The following RNF34 variants were observed in gnomAD, a reference collection of about 807,000 sequenced individuals.
The protein encoded by RNF34 is E3 ubiquitin-protein ligase RNF34.
In RNF34, 12 loss-of-function variants were observed where a neutral mutation model predicts 37.9. The ratio of observed to expected loss-of-function variants is 0.32; its 90% confidence interval spans 0.20 to 0.51. The LOEUF (loss-of-function observed/expected upper bound fraction) is 0.51, where lower values mean the gene tolerates loss of function less well. Among genes scored for constraint, RNF34 ranks in the 20% least tolerant of loss-of-function variants. The pLI is 0.97. For synonymous variants in RNF34, 155 were observed against 177.2 expected (o/e 0.87, Z 1.00); for missense variants, 362 against 472.7 (o/e 0.77, Z 2.17).
intron 3 of RNF34, among the ~76,000 whole-genome samples, chr12:121,419,264 C>T (rs980692793): frequency 3.4e-4 from 51 of 152,178 alleles, no homozygotes; most frequent in African/African-American, 1.2e-3. Flanking sequence ...GCTTCGTAGC[C>T]GGCCATGCCC....
chr12:121,401,395 G>A (rs1413818840), intron 1 of RNF34, among the ~76,000 whole-genome samples: 5 of 122,392 alleles, frequency 4.1e-5, no homozygotes, highest in Admixed American at 1.7e-4. Flanking sequence ...AAACACAGGA[G>A]CCAGAAAGGA....
Position 121,423,555 on chromosome 12 carries a change from C to T in RNF34, c.1098C>T (p.Ala366=), listed in dbSNP as rs782338601. Residue 366 remains alanine (A), a synonymous_variant, in exon 6 of 6, where the codon GCC becomes GCT. Transcript: ENST00000361234. The surrounding 1 kb of genome is among the most constrained non-coding windows in gnomAD (Gnocchi z 4.3). ...CPICRQYVVR[A]VHVFKS ...TCTGCCGGCAGTATGTGGTGCGAGC[C>T]GTGCACGTGTTCAAGTCCTGAAACA... is the stretch of plus-strand genomic sequence containing the variant. 9 of 1,613,606 alleles carry T rather than the reference C, an allele frequency of 5.6e-6. No homozygotes were observed. Among genetic ancestry groups the T allele is most frequent in the East Asian group, 4.5e-5 (2 of 44,898 alleles).
intron 5 of RNF34, among the ~76,000 whole-genome samples, chr12:121,421,165 A>G (rs1342363136): frequency 2.0e-5 from 3 of 152,036 alleles, no homozygotes; most frequent in Non-Finnish European, 4.4e-5. Flanking sequence ...AAAATTCCCT[A>G]TAGCCCAGAT....
At position 121,417,994 on chromosome 12, in the gene RNF34, C is replaced by G; in HGVS notation, c.633+83C>G. The G allele has an allele frequency of 7.2e-7, 1 of 1,392,830 alleles. No individual in the cohort carries two copies. Among genetic ancestry groups the G allele is most frequent in the South Asian group, 1.4e-5 (1 of 73,468 alleles). 86.3% of individuals were successfully genotyped at this position (1,392,830 alleles called of 1,614,324 possible). ...TGGTGGGGCCTTTAGTGCTTGATGA[C>G]TTCTGATAAACTTCAAGTCATGTGC... On this transcript the variant is annotated intron_variant, in intron 3 of 5. Coordinates refer to ENST00000361234, the MANE Select transcript of RNF34 (RefSeq NM_025126.4). The surrounding 1 kb of genome is among the most constrained non-coding windows in gnomAD (Gnocchi z 5.0).
chr12:121,407,454 A>G (rs1481135341), intron 1 of RNF34, among the ~76,000 whole-genome samples: 1 of 152,222 alleles, frequency 6.6e-6, no homozygotes, highest in Non-Finnish European at 1.5e-5. Context: ...CTAGTATACA[A>G]CAACTCAGTG....
chr12:121,403,239 AC>A (rs1870167466), intron 1 of RNF34, among the ~76,000 whole-genome samples: 1 of 152,098 alleles, frequency 6.6e-6, no homozygotes, highest in African/African-American at 2.4e-5. Flanking sequence ...TACTAAAAAT[AC>A]AAAAAATTAG....
At chr12:121,419,432 A>C (rs1871894785) in intron 3 of RNF34, among the ~76,000 whole-genome samples, 2 of 152,244 alleles carry the variant, frequency 1.3e-5, no homozygotes, top group Admixed American at 1.3e-4. Context: ...AGTCCAAGCC[A>C]GGAGTTTTAT....
rs1555283943 is a variant in RNF34, at chr12:121,424,214, C to T, written c.*638C>T. On this transcript the variant is annotated 3_prime_UTR_variant, in exon 6 of 6. Coordinates refer to ENST00000361234, the MANE Select transcript of RNF34 (RefSeq NM_025126.4). ...TTATAGCAAGGGCTGCATCTAGCTT[C>T]TTTTATTAGAAGTGTGTGTGCTAAA... 6.6e-6 allele frequency: 1 copy of T among 152,648 alleles called. No homozygotes were observed. The highest frequency in any genetic ancestry group is 2.4e-5 in the African/African-American group (1 of 41,448). The allele number at this position is 152,648 out of a possible 1,614,324, so 9.5% of individuals were successfully genotyped here.
chr12:121,416,105 A>G, intron 1 of RNF34, 54 bp from the exon 2 acceptor site: 1 of 1,460,832 alleles, frequency 6.8e-7, no homozygotes, highest in Admixed American at 1.7e-5. Context: ...TGAGGATCCC[A>G]GAGAGCCCAG....
In RNF34 at chr12:121,423,554, C is replaced by T; in HGVS notation, c.1097C>T (p.Ala366Val). Residue 366 changes from alanine to valine, a missense_variant, in exon 6 of 6, where the codon GCC (alanine) becomes GTC (valine). Coordinates refer to ENST00000361234, the MANE Select transcript of RNF34 (RefSeq NM_025126.4). This position sits in a 1 kb window ranked among gnomAD's most constrained non-coding sequence, Gnocchi z 4.3. ...ATCTGCCGGCAGTATGTGGTGCGAGCCGTGCACGTGTTCAAGTCCTGAAAC... is the reference window on the plus strand; with the variant it reads ...ATCTGCCGGCAGTATGTGGTGCGAGTCGTGCACGTGTTCAAGTCCTGAAAC... ...CPICRQYVVRAVHVFKS is the reference protein window; with the variant it reads ...CPICRQYVVRVVHVFKS The T allele has an allele frequency of 1.2e-6, 2 of 1,613,778 alleles. No individual in the cohort carries two copies. The highest frequency in any genetic ancestry group is 1.7e-6 in the Non-Finnish European group (2 of 1,179,806).
chr12:121,407,566 G>C (rs59697780), intron 1 of RNF34, among the ~76,000 whole-genome samples: 2 of 152,154 alleles, frequency 1.3e-5, no homozygotes, highest in East Asian at 3.9e-4. Context: ...CTAGTATGCT[G>C]TCTTTCCAGG....
chr12:121,420,898 A>G, intron 5 of RNF34, 120 bp downstream of exon 5: 1 of 704,844 alleles, frequency 1.4e-6, no homozygotes. Flanking sequence ...CATTTTACTG[A>G]GTATCAGTTA....
rs374677569 is a variant in RNF34, at chr12:121,423,615, G to A, written c.*39G>A. The A allele has an allele frequency of 1.3e-6, 2 of 1,562,642 alleles. No homozygotes were observed. The highest frequency in any genetic ancestry group is 1.8e-6 in the Non-Finnish European group (2 of 1,140,054). On this transcript the variant is annotated 3_prime_UTR_variant, in exon 6 of 6. Transcript: ENST00000361234. This position sits in a 1 kb window ranked among gnomAD's most constrained non-coding sequence, Gnocchi z 4.3. The stretch of plus-strand genomic sequence containing the variant: ...CACCAGGACAGTCACCCCCAAACTT[G>A]ACCCCCAACATTTCAATGCACAGAA...
chr12:121,422,840 G>T (rs966720240), intron 5 of RNF34, among the ~76,000 whole-genome samples: 1 of 152,202 alleles, frequency 6.6e-6, no homozygotes, highest in African/African-American at 2.4e-5. Flanking sequence ...CTTCAGCAGG[G>T]CCAGGAACAC....
At chr12:121,404,191 G>C (rs144288733) in intron 1 of RNF34, among the ~76,000 whole-genome samples, 1 of 149,876 alleles carries the variant, frequency 6.7e-6, no homozygotes, top group East Asian at 2.0e-4. Context: ...GTATTTAGTA[G>C]AGACGGAGTT....
At chr12:121,407,157 G>A (rs1870622388) in intron 1 of RNF34, among the ~76,000 whole-genome samples, 1 of 152,074 alleles carries the variant, frequency 6.6e-6, no homozygotes, top group African/African-American at 2.4e-5. Flanking sequence ...GATGCATGTG[G>A]TATAACCCAT....
At chr12:121,412,721 A>G (rs1312449054) in intron 1 of RNF34, among the ~76,000 whole-genome samples, 8 of 139,374 alleles carry the variant, frequency 5.7e-5, no homozygotes, top group African/African-American at 2.2e-4. Context: ...CTAGATGTTC[A>G]TGCTTTTTTT....
Position 121,421,388 on chromosome 12 carries a change from A to C in RNF34, c.928+610A>C, listed in dbSNP as rs1275534753. Among the ~76,000 whole-genome samples the C allele has an allele frequency of 4.1e-4, 62 of 150,148 alleles. No homozygotes were observed. In the South Asian group the frequency reaches 5.9e-3, roughly 14 times the overall value. On this transcript the variant is annotated intron_variant, in intron 5 of 5. Coordinates refer to ENST00000361234, the MANE Select transcript of RNF34 (RefSeq NM_025126.4). ...CCCATCTCTAAAAAAAAAAAAAAAA[A>C]AAAAAAAAAACCAAAAAAACCTGGT...
intron 1 of RNF34, among the ~76,000 whole-genome samples, chr12:121,402,983 C>G (rs117220933): frequency 1.3e-5 from 2 of 152,088 alleles, no homozygotes; most frequent in Admixed American, 1.3e-4. Context: ...GGTATATGGT[C>G]GGATATTTGG....
Sources: gnomAD v4.1 joint callset for allele counts (sites outside exome capture counted in the v4.1 genomes callset) on GRCh38, gnomAD v4.1.1 for gene constraint, Gnocchi (gnomAD v3.1) non-coding constraint, MANE v1.5 for transcripts, NCBI Gene and HGNC (gene_info 2026-07-23, HGNC 2026-07-21) for gene names.